The following SORL1 variants were observed in gnomAD, a reference collection of about 807,000 sequenced individuals.
The protein encoded by SORL1 is sortilin related receptor 1.
A neutral mutation model predicts 273.7 loss-of-function variants in SORL1; 127 were observed. That is an observed-to-expected ratio of 0.46 (90% CI 0.40 to 0.54). SORL1 has a LOEUF of 0.54. Ranked by LOEUF, SORL1 falls within the 20% of genes least tolerant of loss-of-function variation. The probability of loss-of-function intolerance (pLI) is 0.00; values close to 1 mark genes in which losing one functional copy is unlikely to be tolerated. For synonymous variants in SORL1, 1,031 were observed against 1,067.4 expected (o/e 0.97, Z 0.66); for missense variants, 2,494 against 2,846.1 (o/e 0.88, Z 2.81).
chr11:121,534,531 A>C (rs1591315448), intron 12 of SORL1, among the ~76,000 whole-genome samples: 1 of 152,360 alleles, frequency 6.6e-6, no homozygotes, highest in South Asian at 2.1e-4. Flanking sequence ...CTGTTTGAAT[A>C]GTTCAAATAA....
At chr11:121,531,320 G>A (rs974619225) in intron 11 of SORL1, among the ~76,000 whole-genome samples, 1 of 152,172 alleles carries the variant, frequency 6.6e-6, no homozygotes, top group African/African-American at 2.4e-5. Flanking sequence ...CTTGAACCCA[G>A]GAGGCAGAGG....
rs1170193112 is a variant in SORL1, at chr11:121,557,296, T to C, written c.2572-18T>C. ...AGCTCCGATCCATCTCAGCCTCTTT[T>C]CCCCCTGTTTTTGTCAGGTAGCTAA... On this transcript the variant is annotated intron_variant, in intron 18 of 47. Transcript: ENST00000260197. The C allele has an allele frequency of 6.3e-7, 1 of 1,590,668 alleles. No homozygotes were observed.
At chr11:121,574,501 A>G in intron 24 of SORL1, 138 bp downstream of exon 24, 2 of 740,192 alleles carry the variant, frequency 2.7e-6, no homozygotes, top group Non-Finnish European at 4.4e-6. Context: ...GGCTTTCTCC[A>G]TCCACATGGT....
intron 11 of SORL1, among the ~76,000 whole-genome samples, chr11:121,529,998 A>G (rs1422683537): frequency 6.6e-6 from 1 of 152,166 alleles, no homozygotes; most frequent in Non-Finnish European, 1.5e-5. Flanking sequence ...TCTAAGGATT[A>G]CAACATACAT....
At chr11:121,557,263 C>T in intron 18 of SORL1, 51 bp from the exon 19 acceptor site, 1 of 1,354,204 alleles carries the variant, frequency 7.4e-7, no homozygotes, top group Non-Finnish European at 1.1e-6. Context: ...CAATGGGGGT[C>T]TTTAAGGAGC....
intron 6 of SORL1, among the ~76,000 whole-genome samples, chr11:121,497,690 A>T (rs928100184): frequency 2.2e-4 from 33 of 152,170 alleles, no homozygotes; most frequent in African/African-American, 8.0e-4. Flanking sequence ...TTGAAATTGT[A>T]TTGAGTTCAG....
intron 4 of SORL1, among the ~76,000 whole-genome samples, chr11:121,488,753 T>A (rs77246681): frequency 6.6e-6 from 1 of 152,234 alleles, no homozygotes; most frequent in African/African-American, 2.4e-5. Flanking sequence ...TGAGTAAGAC[T>A]TATATCTCAA....
intron 6 of SORL1, among the ~76,000 whole-genome samples, chr11:121,512,706 A>G (rs1178701912): frequency 1.3e-5 from 2 of 152,110 alleles, no homozygotes; most frequent in African/African-American, 4.8e-5. Context: ...ACTCTGTTGA[A>G]GTGTTGGCAG....
chr11:121,590,565 A>G (rs1863194874), intron 30 of SORL1: 1 of 560,044 alleles, frequency 1.8e-6, no homozygotes, highest in Non-Finnish European at 3.2e-6. Context: ...GCATTTGAGG[A>G]GCACTCATGT....
At chr11:121,499,401 T>A (rs1258372166) in intron 6 of SORL1, among the ~76,000 whole-genome samples, 1 of 152,142 alleles carries the variant, frequency 6.6e-6, no homozygotes, top group Non-Finnish European at 1.5e-5. Context: ...CACGTCAGCA[T>A]CAGGCAAGGA....
chr11:121,623,658 G>A lies in SORL1; in HGVS notation c.6171+1390G>A, dbSNP rs80105362. Among the ~76,000 whole-genome samples, 1,363 of 152,328 alleles carry A rather than the reference G, an allele frequency of 8.9e-3. 17 individuals are homozygous for A. The highest frequency in any genetic ancestry group is 0.031 in the African/African-American group (1,286 of 41,568). On this transcript the variant is annotated intron_variant, in intron 45 of 47. Coordinates refer to ENST00000260197, the MANE Select transcript of SORL1 (RefSeq NM_003105.6). ...GCTGGCTTATAGGAAAGAATGCGGG[G>A]ATGAGATTCCAGGCAGGTATTGGGA... is the stretch of plus-strand genomic sequence containing the variant.
chr11:121,552,229 GAT>G (rs1862517644), intron 16 of SORL1, among the ~76,000 whole-genome samples: 1 of 152,216 alleles, frequency 6.6e-6, no homozygotes. Context: ...TCTTTGCAAA[GAT>G]GAGGTAATCT....
intron 12 of SORL1, among the ~76,000 whole-genome samples, chr11:121,539,549 G>C (rs1862314391): frequency 6.6e-6 from 1 of 151,810 alleles, no homozygotes; most frequent in Admixed American, 6.6e-5. Flanking sequence ...AACTTAAATG[G>C]TTTTTCTTGT....
At chr11:121,577,470 C>T (rs535176137) in intron 25 of SORL1, 70 bp downstream of exon 25, 69 of 1,418,660 alleles carry the variant, frequency 4.9e-5, no homozygotes, top group Admixed American at 1.0e-4. Flanking sequence ...TAGCTTTAAA[C>T]GATCGGAAAA....
intron 6 of SORL1, among the ~76,000 whole-genome samples, chr11:121,502,552 C>T (rs1364120891): frequency 2.0e-5 from 3 of 152,142 alleles, no homozygotes; most frequent in South Asian, 2.1e-4. Flanking sequence ...TCCTTGTCAA[C>T]ATTTGCTACT....
At chr11:121,529,666 AG>A (rs1377100026) in intron 11 of SORL1, among the ~76,000 whole-genome samples, 1 of 151,930 alleles carries the variant, frequency 6.6e-6, no homozygotes. Flanking sequence ...CCTGCCAAAT[AG>A]TTGGACTTAA....
Position 121,629,784 on chromosome 11 carries a change from T to G in SORL1, c.*221T>G, listed in dbSNP as rs1863849210. ...GGTTGATTTTAGTAACCCAATTGCT[T>G]TGATTTGACATTAATGTAGTCTTAC... On this transcript the variant is annotated 3_prime_UTR_variant, in exon 48 of 48. Coordinates refer to ENST00000260197, the MANE Select transcript of SORL1 (RefSeq NM_003105.6). 1.8e-6 allele frequency: 1 copy of G among 548,462 alleles called. No individual in the cohort carries two copies. Among genetic ancestry groups the G allele is most frequent in the African/African-American group, 1.9e-5 (1 of 52,730 alleles). 34.0% of individuals were successfully genotyped at this position (548,462 alleles called of 1,614,324 possible). A position where few individuals can be genotyped will look rare whatever the true frequency, so the allele number is the denominator to read the frequency against.
chr11:121,559,448 C>T, intron 20 of SORL1, 71 bp from the exon 21 acceptor site: 1 of 1,505,824 alleles, frequency 6.6e-7, no homozygotes. Context: ...CCTGGGGGAA[C>T]TCTTACCCTT....
At chr11:121,590,937 A>G (rs766035650) in intron 30 of SORL1, 64 bp from the exon 31 acceptor site, 1 of 1,586,306 alleles carries the variant, frequency 6.3e-7, no homozygotes, top group Non-Finnish European at 8.7e-7. Context: ...GGTTTGGGAC[A>G]TATTTGGTCT....
Sources: allele counts gnomAD v4.1 joint callset (sites outside exome capture counted in the v4.1 genomes callset), GRCh38; gene constraint gnomAD v4.1.1; transcripts MANE v1.5; gene names NCBI Gene and HGNC (gene_info 2026-07-23, HGNC 2026-07-21).